Variants in PRSS23 observed in about 807,000 individuals in gnomAD.
PRSS23 encodes the protein protease, serine 23.
PRSS23 carries 25 observed loss-of-function variants against 34.7 expected under a neutral mutation model. The ratio of observed to expected loss-of-function variants is 0.72; its 90% CI spans 0.53 to 1.01. The LOEUF (loss-of-function observed/expected upper bound fraction) is 1.01. Among genes scored for constraint, PRSS23 ranks in the 50% least tolerant of loss-of-function variants. PRSS23 has a pLI of 0.00. For missense variants in PRSS23, 445 were observed against 475.6 expected (o/e 0.94, Z 0.60); for synonymous variants, 176 against 186.6 (o/e 0.94, Z 0.46).
At chr11:86,858,319 T>C (rs1454620082) in intron 2 of PRSS23, among the ~76,000 whole-genome samples, 3 of 152,070 alleles carry the variant, frequency 2.0e-5, no homozygotes, top group Non-Finnish European at 2.9e-5. Context: ...GAGAATGATA[T>C]TACTCCCAAT....
downstream of PRSS23, among the ~76,000 whole-genome samples, chr11:86,812,656 C>T (rs889119557): frequency 2.0e-5 from 3 of 151,844 alleles, no homozygotes; most frequent in Non-Finnish European, 4.4e-5. Flanking sequence ...GGCATGGTGG[C>T]GCATGCCTGT....
chr11:86,899,980 T>C (rs917831760), intron 2 of PRSS23, among the ~76,000 whole-genome samples: 1 of 151,916 alleles, frequency 6.6e-6, no homozygotes, highest in Admixed American at 6.6e-5. Context: ...CAAAGGCAAA[T>C]CTGATAACCA....
intron 2 of PRSS23, among the ~76,000 whole-genome samples, chr11:86,867,537 G>A (rs1223297510): frequency 6.6e-6 from 1 of 152,102 alleles, no homozygotes; most frequent in Non-Finnish European, 1.5e-5. Flanking sequence ...TCTTTCAGGG[G>A]TATAACAACC....
upstream of PRSS23, chr11:86,800,349 G>A (rs1302042043): frequency 5.6e-6 from 4 of 711,024 alleles, no homozygotes; most frequent in Non-Finnish European, 5.2e-6. Flanking sequence ...AGGGACGCTC[G>A]GCCTCAGGCC....
At chr11:86,801,011 C>G (rs1289043477) in intron 1 of PRSS23, among the ~76,000 whole-genome samples, 1 of 152,124 alleles carries the variant, frequency 6.6e-6, no homozygotes, top group African/African-American at 2.4e-5. Flanking sequence ...ATGCACCCCC[C>G]CAACACACCA....
intron 2 of PRSS23, among the ~76,000 whole-genome samples, chr11:86,875,709 A>G (rs981505461): frequency 2.0e-5 from 3 of 152,242 alleles, no homozygotes; most frequent in African/African-American, 4.8e-5. Flanking sequence ...CTTTACAGAC[A>G]GAGACCTCCA....
chr11:86,805,586 C>T (rs1695614252), intron 1 of PRSS23, among the ~76,000 whole-genome samples: 1 of 152,170 alleles, frequency 6.6e-6, no homozygotes, highest in African/African-American at 2.4e-5. Context: ...ATTAGGGAGT[C>T]CCAAGGAACT....
chr11:86,915,091 C>T (rs1216195226), intron 2 of PRSS23, among the ~76,000 whole-genome samples: 3 of 150,834 alleles, frequency 2.0e-5, no homozygotes, highest in Non-Finnish European at 4.4e-5. Context: ...CGCATCAGTC[C>T]AGCTGCCTGG....
chr11:86,862,983 T>A (rs1948626271), intron 2 of PRSS23, among the ~76,000 whole-genome samples: 9 of 152,062 alleles, frequency 5.9e-5, no homozygotes, highest in Admixed American at 5.9e-4. Flanking sequence ...GCATGTATAC[T>A]GTGTGATATT....
Position 86,951,106 on chromosome 11 carries a change from C to T in PRSS23, c.207-110C>T, listed in dbSNP as rs371482043. 6 of 1,606,870 alleles carry T rather than the reference C, an allele frequency of 3.7e-6. No individual in the cohort carries two copies. The African/African-American group carries it at 5.3e-5, about 14-fold the overall frequency. On this transcript the variant is annotated intron_variant, in intron 2 of 2. Transcript: ENST00000533902. ...TTCCTCCAAAATGCTGGCATTCCCCCCTTCAAAATGAAGAAAGCATGGAGG... is the reference window on the plus strand; with the variant it reads ...TTCCTCCAAAATGCTGGCATTCCCCTCTTCAAAATGAAGAAAGCATGGAGG...
chr11:86,881,548 T>C (rs1023004596), intron 2 of PRSS23, among the ~76,000 whole-genome samples: 6 of 152,198 alleles, frequency 3.9e-5, no homozygotes, highest in African/African-American at 1.4e-4. Context: ...GAGATACTGC[T>C]CTATCATTTC....
chr11:86,809,044 AAAT>A lies in PRSS23; in HGVS notation c.*251_*253del. 2.6e-6 allele frequency: 1 copy of A among 380,252 alleles called. No individual in the cohort carries two copies. 23.6% of individuals were successfully genotyped at this position (380,252 alleles called of 1,614,324 possible). A position where few individuals can be genotyped will look rare whatever the true frequency, so the allele number is the denominator to read the frequency against. ...GCATACTTTTGCATAGAAATAAAAAAAATACTGATTTGGGGCAATGAGGAATAT... is the reference window on the plus strand; with the variant it reads ...GCATACTTTTGCATAGAAATAAAAAAACTGATTTGGGGCAATGAGGAATAT... On this transcript the variant is annotated 3_prime_UTR_variant, in exon 2 of 2. Coordinates refer to ENST00000280258, the MANE Select transcript of PRSS23 (RefSeq NM_007173.6).
At chr11:86,907,837 CA>C (rs1438900681) in intron 2 of PRSS23, among the ~76,000 whole-genome samples, 1 of 152,120 alleles carries the variant, frequency 6.6e-6, no homozygotes, top group Non-Finnish European at 1.5e-5. Flanking sequence ...AGAACTTATC[CA>C]GCTGCATAAC....
intron 2 of PRSS23, among the ~76,000 whole-genome samples, chr11:86,932,082 C>T (rs1351482230): frequency 2.0e-5 from 3 of 152,110 alleles, no homozygotes; most frequent in Non-Finnish European, 2.9e-5. Context: ...CCAAAATTGC[C>T]CCCGAGGCAG....
rs531453980 is a variant in PRSS23, at chr11:86,804,865, C to T, written c.-13-2766C>T. ...TTGTAACTGCCATGTTCTTCATGCA[C>T]ATTGAAAATATTATCTGTAGCTGAT... On this transcript the variant is annotated intron_variant, in intron 1 of 1. Transcript: ENST00000280258. Among the ~76,000 whole-genome samples the T allele has an allele frequency of 1.6e-4, 25 of 152,312 alleles. 1 individual carries two copies. The highest frequency in any genetic ancestry group is 6.0e-4 in the African/African-American group (25 of 41,576).
intron 2 of PRSS23, among the ~76,000 whole-genome samples, chr11:86,869,677 A>C (rs186194553): frequency 5.6e-4 from 86 of 152,320 alleles, no homozygotes; most frequent in African/African-American, 2.0e-3. Flanking sequence ...GTGATGGTTT[A>C]GCTGCCTCAT....
chr11:86,907,372 G>C (rs1293214826), intron 2 of PRSS23, among the ~76,000 whole-genome samples: 1 of 152,120 alleles, frequency 6.6e-6, no homozygotes, highest in Non-Finnish European at 1.5e-5. Flanking sequence ...GTTAGCAGTG[G>C]TGTTAGGGAA....
intron 2 of PRSS23, among the ~76,000 whole-genome samples, chr11:86,863,392 A>C (rs1948628821): frequency 6.9e-6 from 1 of 144,942 alleles, no homozygotes; most frequent in Admixed American, 6.9e-5. Flanking sequence ...TAAACATTCT[A>C]GTCCCTTCAT....
At chr11:86,842,669 C>T (rs1948457394) in intron 2 of PRSS23, among the ~76,000 whole-genome samples, 1 of 152,166 alleles carries the variant, frequency 6.6e-6, no homozygotes, top group Non-Finnish European at 1.5e-5. Flanking sequence ...CTCCCATTCA[C>T]AACTGTGAGA....
Sources: gnomAD v4.1 joint callset for allele counts (sites outside exome capture counted in the v4.1 genomes callset) on GRCh38, gnomAD v4.1.1 for gene constraint, MANE v1.5 for transcripts, NCBI Gene and HGNC (gene_info 2026-07-23, HGNC 2026-07-21) for gene names.